The following HIVEP3 variants were observed in gnomAD, a reference collection of about 807,000 sequenced individuals.
HIVEP3 encodes transcription factor HIVEP3.
Under a neutral mutation model 152.8 loss-of-function variants are expected in HIVEP3, and 49 were observed. The ratio of observed to expected loss-of-function variants is 0.32; its 90% CI spans 0.26 to 0.41. The LOEUF (loss-of-function observed/expected upper bound fraction) is 0.41. Among genes scored for constraint, HIVEP3 ranks in the 10% least tolerant of loss-of-function variants. The pLI is 1.00. For missense variants in HIVEP3, 2,790 were observed against 3,103.3 expected, an observed-to-expected ratio of 0.90 and a Z score of 2.40; for synonymous variants, 1,269 against 1,289.0, an observed-to-expected ratio of 0.98 and a Z score of 0.33.
chr1:41,862,100 T>C (rs1332103330), intron 1 of HIVEP3, among the ~76,000 whole-genome samples: 1 of 152,152 alleles, frequency 6.6e-6, no homozygotes, highest in African/African-American at 2.4e-5. Flanking sequence ...CGAGCAGCTT[T>C]ACAAGAACTT....
chr1:41,866,345 C>T (rs1643972319), intron 1 of HIVEP3, among the ~76,000 whole-genome samples: 1 of 152,230 alleles, frequency 6.6e-6, no homozygotes, highest in Admixed American at 6.5e-5. Flanking sequence ...CCTTCAAGAG[C>T]CAAAGATTCT....
chr1:41,988,134 A>G (rs1440175412), intron 1 of HIVEP3, among the ~76,000 whole-genome samples: 1 of 152,262 alleles, frequency 6.6e-6, no homozygotes, highest in Non-Finnish European at 1.5e-5. Context: ...AAACTACCAG[A>G]AAAAGACAAA....
chr1:41,544,519 G>C (rs1643613124), intron 5 of HIVEP3, among the ~76,000 whole-genome samples: 1 of 151,588 alleles, frequency 6.6e-6, no homozygotes, highest in Non-Finnish European at 1.5e-5. Context: ...GGACAGGGAG[G>C]GGGATGTCTC....
intron 2 of HIVEP3, among the ~76,000 whole-genome samples, chr1:41,698,842 G>C (rs1364067809): frequency 6.6e-6 from 1 of 152,032 alleles, no homozygotes; most frequent in East Asian, 1.9e-4. Flanking sequence ...GGGCCTGTGG[G>C]GCTGCTCCTG....
chr1:41,517,404 G>C (rs1424118542), intron 7 of HIVEP3, among the ~76,000 whole-genome samples: 1 of 152,166 alleles, frequency 6.6e-6, no homozygotes, highest in African/African-American at 2.4e-5. Flanking sequence ...TCTAGCTTTG[G>C]GGGGGAACAG....
At chr1:41,618,210 C>T (rs1015706617) in intron 3 of HIVEP3, among the ~76,000 whole-genome samples, 2 of 152,178 alleles carry the variant, frequency 1.3e-5, no homozygotes, top group Non-Finnish European at 2.9e-5. Context: ...TGCCAGAGCC[C>T]GGAGCCACCA....
chr1:42,011,817 A>C (rs1645493378), intron 1 of HIVEP3, among the ~76,000 whole-genome samples: 1 of 152,134 alleles, frequency 6.6e-6, no homozygotes, highest in Non-Finnish European at 1.5e-5. Context: ...CTATTTCCAA[A>C]TAAATTATCT....
Position 41,768,645 on chromosome 1 carries a change from T to A in HIVEP3, c.-800-67650A>T, listed in dbSNP as rs192053700. ...TTGTTGGGGTGTGAAACCCCCTTCG[T>A]GGGGATAAGAGGAACTCTTCTCGCA... On this transcript the variant is annotated intron_variant, in intron 1 of 8. Transcript: ENST00000372583. 2.5e-3 allele frequency among the ~76,000 whole-genome samples: 380 copies of A among 152,334 alleles called. 3 individuals are homozygous for A. Among genetic ancestry groups the A allele is most frequent in the Non-Finnish European group, 3.9e-3 (263 of 68,018 alleles).
chr1:41,575,717 A>G, intron 4 of HIVEP3, 28 bp from the exon 5 acceptor site: 1 of 1,611,890 alleles, frequency 6.2e-7, no homozygotes, highest in South Asian at 1.1e-5. Flanking sequence ...TGACAAAATC[A>G]TTGCTGGTTA....
chr1:41,557,010 C>T (rs1232188218), intron 5 of HIVEP3, among the ~76,000 whole-genome samples: 2 of 152,186 alleles, frequency 1.3e-5, no homozygotes, highest in African/African-American at 4.8e-5. Context: ...TGTGTCAGTA[C>T]CACACTGTTT....
chr1:41,719,333 G>C (rs1438350962), intron 1 of HIVEP3, among the ~76,000 whole-genome samples: 1 of 152,262 alleles, frequency 6.6e-6, no homozygotes, highest in Non-Finnish European at 1.5e-5. Context: ...TTAGATGGAA[G>C]TGAAACAGAC....
At chr1:41,864,898 T>C (rs1290704474) in intron 1 of HIVEP3, among the ~76,000 whole-genome samples, 1 of 152,244 alleles carries the variant, frequency 6.6e-6, no homozygotes, top group Admixed American at 6.5e-5. Flanking sequence ...TTCATCAGTA[T>C]GTTGATAAGC....
At chr1:41,872,394 A>T (rs1644098144) in intron 1 of HIVEP3, among the ~76,000 whole-genome samples, 1 of 152,216 alleles carries the variant, frequency 6.6e-6, no homozygotes. Context: ...ATTGGCCAAG[A>T]CCCAGCTATT....
chr1:41,865,340 T>C (rs1643949196), intron 1 of HIVEP3, among the ~76,000 whole-genome samples: 1 of 152,204 alleles, frequency 6.6e-6, no homozygotes, highest in Non-Finnish European at 1.5e-5. Flanking sequence ...ACCTGTCAAA[T>C]GCCATTTGCC....
intron 1 of HIVEP3, among the ~76,000 whole-genome samples, chr1:41,823,627 G>C (rs972940273): frequency 6.6e-6 from 1 of 152,238 alleles, no homozygotes; most frequent in Non-Finnish European, 1.5e-5. Context: ...ACTCTCCACA[G>C]GCATAAGCGA....
At chr1:41,734,257 C>T (rs951069231) in intron 1 of HIVEP3, among the ~76,000 whole-genome samples, 3 of 152,234 alleles carry the variant, frequency 2.0e-5, no homozygotes, top group African/African-American at 7.2e-5. Flanking sequence ...GCCACCTATT[C>T]TAGCTGTGTG....
At position 41,575,699 on chromosome 1, in the gene HIVEP3, C is replaced by T. The variant is rs376961714; in HGVS notation, c.5062-10G>A. ...GTGAAGGGAGGTGAACCTGGCCCAC[C>T]GCAGGAATGACAAAATCATTGCTGG... On this transcript the variant is annotated splice_polypyrimidine_tract_variant and intron_variant, in intron 4 of 8. Transcript: ENST00000372583. The T allele has an allele frequency of 6.2e-6, 10 of 1,612,526 alleles. No individual in the cohort carries two copies. The highest frequency in any genetic ancestry group is 3.4e-5 in the Admixed American group (2 of 59,644).
At position 41,580,584 on chromosome 1, in the gene HIVEP3, C is replaced by G; in HGVS notation, c.4214G>C (p.Arg1405Thr). Residue 1405 changes from arginine to threonine, a missense_variant, in exon 4 of 9, where the codon AGA (arginine) becomes ACA (threonine). By Grantham distance (71) the Arg-to-Thr change is moderately conservative. This residue lies in a region of HIVEP3 where 1,078 missense variants were observed against 1,165.3 expected (regional missense o/e 0.93). Transcript: ENST00000372583. Reference sequence around the variant, plus strand: ...CTCTGATGACAGGGAAGTGCCTTTTCTTTCAGGTAATGTCACAGGCACTCT... The same window carrying G: ...CTCTGATGACAGGGAAGTGCCTTTTGTTTCAGGTAATGTCACAGGCACTCT... ...YLRVPVTLPERKGTSLSSESI... is the reference protein window; with the variant it reads ...YLRVPVTLPETKGTSLSSESI... The G allele has an allele frequency of 6.2e-7, 1 of 1,614,200 alleles. No individual in the cohort carries two copies. The highest frequency in any genetic ancestry group is 8.5e-7 in the Non-Finnish European group (1 of 1,180,036).
intron 1 of HIVEP3, among the ~76,000 whole-genome samples, chr1:41,742,494 T>C (rs1647011989): frequency 6.6e-6 from 1 of 152,242 alleles, no homozygotes; most frequent in East Asian, 1.9e-4. Flanking sequence ...CGACATTGCC[T>C]TTCTCTGTTC....
Sources: gnomAD v4.1 joint callset for allele counts (sites outside exome capture counted in the v4.1 genomes callset) on GRCh38, gnomAD v4.1.1 for gene constraint, gnomAD v4.1.1 regional missense constraint, MANE v1.5 for transcripts, NCBI Gene and HGNC (gene_info 2026-07-23, HGNC 2026-07-21) for gene names.